Variants in LY96 observed in about 807,000 individuals in gnomAD.
LY96 encodes lymphocyte antigen 96.
Under a neutral mutation model 18.9 loss-of-function variants are expected in LY96, and 18 were observed. That is an observed-to-expected ratio of 0.95 (90% CI 0.66 to 1.41). The LOEUF (loss-of-function observed/expected upper bound fraction) is 1.41. Ranked by LOEUF, LY96 falls within the 40% of genes most tolerant of loss-of-function variation. The probability of loss-of-function intolerance (pLI) is 0.00; values close to 1 mark genes in which losing one functional copy is unlikely to be tolerated. For synonymous variants in LY96, 66 were observed against 62.6 expected, an observed-to-expected ratio of 1.06 and a Z score of -0.26; for missense variants, 175 against 182.4, an observed-to-expected ratio of 0.96 and a Z score of 0.23.
the LY96 span, among the ~76,000 whole-genome samples, chr8:74,086,875 C>G: frequency 6.6e-6 from 1 of 152,198 alleles, no homozygotes; most frequent in Admixed American, 6.5e-5. Context: ...CCTCGCTAGA[C>G]GTTGAATCTG....
At chr8:74,011,394 AC>A (rs1816527113) in intron 3 of LY96, among the ~76,000 whole-genome samples, 1 of 152,254 alleles carries the variant, frequency 6.6e-6, no homozygotes, top group Non-Finnish European at 1.5e-5. Flanking sequence ...GGATTTAATT[AC>A]ATCAAAAAGC....
chr8:74,054,617 C>CCTCTTTCTTTCT, the LY96 span, among the ~76,000 whole-genome samples: 1 of 70,098 alleles, frequency 1.4e-5, no homozygotes, highest in Non-Finnish European at 2.7e-5. Flanking sequence ...TTTCCTTTTC[C>CCTCTTTCTTTCT]TTCTTTCTTT....
At chr8:74,052,861 A>G in the LY96 span, among the ~76,000 whole-genome samples, 1 of 152,330 alleles carries the variant, frequency 6.6e-6, no homozygotes, top group Non-Finnish European at 1.5e-5. Context: ...GAATAGAAGA[A>G]CACACGCAGA....
the LY96 span, chr8:74,056,312 T>C: frequency 3.2e-6 from 1 of 310,882 alleles, no homozygotes; most frequent in Non-Finnish European, 6.1e-6. Flanking sequence ...TCGGTTTGCA[T>C]TTTGCTTATG....
At chr8:74,081,498 A>G in the LY96 span, among the ~76,000 whole-genome samples, 4 of 151,202 alleles carry the variant, frequency 2.6e-5, no homozygotes, top group Admixed American at 2.6e-4. Flanking sequence ...GGCTCAAGCT[A>G]TCCATCTGCC....
intron 1 of LY96, among the ~76,000 whole-genome samples, chr8:73,996,115 A>G (rs1563707477): frequency 6.6e-6 from 1 of 152,160 alleles, no homozygotes; most frequent in Non-Finnish European, 1.5e-5. Flanking sequence ...GCAGTGAGCC[A>G]TGTTTGTGCC....
chr8:74,043,841 T>A, the LY96 span, among the ~76,000 whole-genome samples: 1 of 152,364 alleles, frequency 6.6e-6, no homozygotes, highest in Admixed American at 6.5e-5. Flanking sequence ...AATATTGTTT[T>A]ATTTTTATCT....
intron 1 of LY96, among the ~76,000 whole-genome samples, chr8:74,001,319 G>A (rs1816262352): frequency 6.6e-6 from 1 of 151,844 alleles, no homozygotes; most frequent in Non-Finnish European, 1.5e-5. Flanking sequence ...CACCTCCTGG[G>A]TCTGAGTGAT....
At chr8:74,081,057 TTTCTTTCTTAC>T in the LY96 span, among the ~76,000 whole-genome samples, 2 of 134,236 alleles carry the variant, frequency 1.5e-5, no homozygotes, top group African/African-American at 6.8e-5. Context: ...TTTTTCTTTC[TTTCTTTCTTAC>T]TTTCTTTCTT....
chr8:74,007,244 T>C (rs1816433349), intron 2 of LY96, among the ~76,000 whole-genome samples: 1 of 152,178 alleles, frequency 6.6e-6, no homozygotes, highest in Non-Finnish European at 1.5e-5. Context: ...CTGAGATAGA[T>C]GTGAAGGTAT....
At chr8:74,016,810 T>C (rs923082717) in intron 3 of LY96, among the ~76,000 whole-genome samples, 4 of 152,024 alleles carry the variant, frequency 2.6e-5, no homozygotes, top group Non-Finnish European at 5.9e-5. Context: ...CATCTGAGGG[T>C]CCTGACTCTT....
chr8:74,025,654 CAA>C (rs574843103), intron 3 of LY96, among the ~76,000 whole-genome samples: 117 of 68,802 alleles, frequency 1.7e-3, no homozygotes, highest in South Asian at 7.6e-3. Flanking sequence ...AACTCCGTCT[CAA>C]AAAAAAAAAA....
At chr8:74,034,714 C>A in the LY96 span, among the ~76,000 whole-genome samples, 2 of 152,186 alleles carry the variant, frequency 1.3e-5, no homozygotes, top group African/African-American at 4.8e-5. Flanking sequence ...TGGCATCACA[C>A]TGGGTCCAAT....
chr8:74,066,900 G>A, the LY96 span, among the ~76,000 whole-genome samples: 1 of 152,222 alleles, frequency 6.6e-6, no homozygotes, highest in African/African-American at 2.4e-5. Context: ...TCAGGCAGGG[G>A]TAAGCTTTTA....
the LY96 span, among the ~76,000 whole-genome samples, chr8:74,068,248 T>G: frequency 5.3e-5 from 8 of 152,054 alleles, no homozygotes; most frequent in African/African-American, 1.7e-4. Flanking sequence ...TGGAGTCATA[T>G]AGAAAGCACT....
the LY96 span, among the ~76,000 whole-genome samples, chr8:74,074,517 C>T: frequency 6.6e-6 from 1 of 150,612 alleles, no homozygotes; most frequent in Non-Finnish European, 1.5e-5. Context: ...TATTTCTTTT[C>T]TTCTACTAAT....
chr8:74,059,964 C>G, the LY96 span, among the ~76,000 whole-genome samples: 1 of 152,134 alleles, frequency 6.6e-6, no homozygotes, highest in Non-Finnish European at 1.5e-5. Flanking sequence ...CGTGGTGAAA[C>G]CTTGTCTCTA....
the LY96 span, among the ~76,000 whole-genome samples, chr8:74,046,076 C>T: frequency 1.3e-5 from 2 of 152,002 alleles, no homozygotes; most frequent in South Asian, 2.1e-4. Context: ...GTCAGGAGTT[C>T]GAGACAAGGC....
intron 1 of LY96, among the ~76,000 whole-genome samples, chr8:73,994,094 T>A (rs954906431): frequency 6.6e-6 from 1 of 151,888 alleles, no homozygotes; most frequent in African/African-American, 2.4e-5. Flanking sequence ...AAGCGATTCT[T>A]TTGCCTCAGC....
Sources: gnomAD v4.1 joint callset for allele counts (sites outside exome capture counted in the v4.1 genomes callset) on GRCh38, gnomAD v4.1.1 for gene constraint, MANE v1.5 for transcripts, NCBI Gene and HGNC (gene_info 2026-07-23, HGNC 2026-07-21) for gene names.